The following DACH1 variants were observed in gnomAD, a reference collection of about 807,000 sequenced individuals.
The protein encoded by DACH1 is dachshund homolog 1.
Under a neutral mutation model 54.2 loss-of-function variants are expected in DACH1, and 12 were observed. That is an observed-to-expected ratio of 0.22 (90% CI 0.14 to 0.36). The LOEUF is 0.36. Among genes scored for constraint, DACH1 ranks in the 10% least tolerant of loss-of-function variants. The pLI is 1.00. For missense variants in DACH1, 805 were observed against 929.8 expected (o/e 0.87, Z 1.75); for synonymous variants, 386 against 366.2 (o/e 1.05, Z -0.62).
chr13:71,697,491 G>T (rs1272399100), intron 1 of DACH1, among the ~76,000 whole-genome samples: 1 of 152,186 alleles, frequency 6.6e-6, no homozygotes, highest in Non-Finnish European at 1.5e-5. Context: ...TCTTCAAAAT[G>T]ATGTGGTTGG....
chr13:71,786,145 C>T (rs1886582461), intron 1 of DACH1, among the ~76,000 whole-genome samples: 1 of 151,970 alleles, frequency 6.6e-6, no homozygotes. Flanking sequence ...ATACTAAGGC[C>T]CTGAAAAATA....
chr13:71,824,209 T>C (rs1888297505), intron 1 of DACH1, among the ~76,000 whole-genome samples: 1 of 151,946 alleles, frequency 6.6e-6, no homozygotes, highest in Admixed American at 6.6e-5. Flanking sequence ...TTGATCTACG[T>C]AATAACTATG....
At chr13:71,855,840 TAA>T (rs1366193710) in intron 1 of DACH1, among the ~76,000 whole-genome samples, 1 of 151,994 alleles carries the variant, frequency 6.6e-6, no homozygotes, top group Non-Finnish European at 1.5e-5. Flanking sequence ...GAAAAGGTCC[TAA>T]AAAAGTTTCT....
intron 1 of DACH1, among the ~76,000 whole-genome samples, chr13:71,724,202 T>C (rs1218809222): frequency 1.3e-5 from 2 of 152,186 alleles, no homozygotes; most frequent in Non-Finnish European, 2.9e-5. Flanking sequence ...AAAACTTCTA[T>C]CATCAAAAAC....
intron 1 of DACH1, among the ~76,000 whole-genome samples, chr13:71,747,086 T>C (rs940480467): frequency 1.2e-4 from 18 of 152,112 alleles, no homozygotes; most frequent in African/African-American, 4.3e-4. Context: ...AAATATTGTG[T>C]TTGTATATAC....
chr13:71,610,153 T>C (rs1283065527), intron 3 of DACH1, among the ~76,000 whole-genome samples: 1 of 151,740 alleles, frequency 6.6e-6, no homozygotes, highest in Non-Finnish European at 1.5e-5. Flanking sequence ...AATTTCCAAG[T>C]GGGAAAGATG....
intron 1 of DACH1, among the ~76,000 whole-genome samples, chr13:71,715,718 C>A (rs1882935443): frequency 6.6e-6 from 1 of 151,346 alleles, no homozygotes; most frequent in Admixed American, 6.6e-5. Context: ...AATAAAAAGA[C>A]AACTTTCAGT....
intron 4 of DACH1, 102 bp downstream of exon 4, chr13:71,572,738 A>C (rs2138414793): frequency 8.0e-7 from 1 of 1,256,724 alleles, no homozygotes; most frequent in Admixed American, 2.5e-5. Flanking sequence ...ACTATCACTT[A>C]GCTTTTTAGA....
chr13:71,509,509 T>C (rs1593808683), intron 6 of DACH1, among the ~76,000 whole-genome samples: 1 of 152,064 alleles, frequency 6.6e-6, no homozygotes, highest in Admixed American at 6.6e-5. Flanking sequence ...TAAATTGTAA[T>C]GAAGGAGTCA....
intron 1 of DACH1, among the ~76,000 whole-genome samples, chr13:71,864,215 A>ACACACAC (rs1555330494): frequency 1.5e-5 from 1 of 67,472 alleles, no homozygotes; most frequent in African/African-American, 9.9e-5. Context: ...ACACACACAC[A>ACACACAC]ACATTTACCC....
At chr13:71,523,348 C>T (rs1261629637) in intron 6 of DACH1, among the ~76,000 whole-genome samples, 1 of 152,134 alleles carries the variant, frequency 6.6e-6, no homozygotes, top group Non-Finnish European at 1.5e-5. Context: ...AAATCACCCT[C>T]CCATTAATTG....
chr13:71,443,471 AC>A (rs1413766670), intron 10 of DACH1, among the ~76,000 whole-genome samples: 2 of 151,848 alleles, frequency 1.3e-5, no homozygotes, highest in Non-Finnish European at 2.9e-5. Context: ...AAAAAGAAAT[AC>A]CCTTAGCTTT....
intron 1 of DACH1, among the ~76,000 whole-genome samples, chr13:71,718,606 C>A (rs1234830088): frequency 1.3e-5 from 2 of 148,460 alleles, no homozygotes; most frequent in African/African-American, 4.9e-5. Flanking sequence ...AAATCTCTTT[C>A]TCCCAGATCC....
chr13:71,802,161 T>C (rs936454267), intron 1 of DACH1, among the ~76,000 whole-genome samples: 5 of 152,136 alleles, frequency 3.3e-5, no homozygotes, highest in Non-Finnish European at 7.4e-5. Context: ...AGAGCCTTTT[T>C]TTTTCCTGTC....
At chr13:71,534,132 G>T (rs1882599197) in intron 6 of DACH1, among the ~76,000 whole-genome samples, 1 of 152,018 alleles carries the variant, frequency 6.6e-6, no homozygotes, top group African/African-American at 2.4e-5. Flanking sequence ...GGTAGTAAAA[G>T]ATTTTAACAT....
rs17088370 is a variant in DACH1, at chr13:71,653,493, C to T, written c.965-22776G>A. Among the ~76,000 whole-genome samples the T allele has an allele frequency of 2.5e-3, 375 of 152,336 alleles. 12 individuals carry two copies. In the East Asian group the frequency reaches 0.059, roughly 24 times the overall value. ...AAGAGCAAAGGCAGACGCTGCCCTA[C>T]GCATGTCTCTAAGGCTTTTACCTAC... On this transcript the variant is annotated intron_variant, in intron 2 of 10. Coordinates refer to ENST00000613252, the MANE Select transcript of DACH1 (RefSeq NM_080759.6).
intron 1 of DACH1, among the ~76,000 whole-genome samples, chr13:71,860,110 C>T (rs1245140660): frequency 6.6e-6 from 1 of 151,446 alleles, no homozygotes; most frequent in Non-Finnish European, 1.5e-5. Flanking sequence ...TTAATGCAGT[C>T]CCAAAGCCTG....
chr13:71,541,299 G>A (rs541328015), intron 6 of DACH1, among the ~76,000 whole-genome samples: 3 of 151,958 alleles, frequency 2.0e-5, no homozygotes, highest in Non-Finnish European at 4.4e-5. Context: ...GTTACTCAAA[G>A]AAGTATTTTT....
intron 6 of DACH1, among the ~76,000 whole-genome samples, chr13:71,519,906 T>TATATATATATAG (rs1881459809): frequency 7.3e-6 from 1 of 137,776 alleles, no homozygotes; most frequent in Non-Finnish European, 1.6e-5. Flanking sequence ...TATATATATA[T>TATATATATATAG]ATCCTAACTA....
Sources: allele counts gnomAD v4.1 joint callset (sites outside exome capture counted in the v4.1 genomes callset), GRCh38; gene constraint gnomAD v4.1.1; transcripts MANE v1.5; gene names NCBI Gene and HGNC (gene_info 2026-07-23, HGNC 2026-07-21).